The following IFT43 variants were observed in gnomAD, a reference collection of about 807,000 sequenced individuals.
IFT43 encodes intraflagellar transport 43.
IFT43 carries 33 observed loss-of-function variants against 32.3 expected under a neutral mutation model. The ratio of observed to expected loss-of-function variants is 1.02; its 90% CI spans 0.77 to 1.37. The LOEUF (loss-of-function observed/expected upper bound fraction) is 1.37. Ranked by LOEUF, IFT43 falls within the 40% of genes most tolerant of loss-of-function variation. The pLI is 0.00. For synonymous variants in IFT43, 93 were observed against 98.2 expected (o/e 0.95, Z 0.31); for missense variants, 274 against 265.9 (o/e 1.03, Z -0.21).
At chr14:76,067,801 ATGGTGGGGTCTG>A (rs2037251910) in intron 5 of IFT43, among the ~76,000 whole-genome samples, 1 of 152,178 alleles carries the variant, frequency 6.6e-6, no homozygotes, top group Non-Finnish European at 1.5e-5. Context: ...AAAATAAAGG[ATGGTGGGGTCTG>A]TGGTGAACCC....
intron 2 of IFT43, among the ~76,000 whole-genome samples, chr14:75,991,736 G>A (rs2035647835): frequency 6.6e-6 from 1 of 152,122 alleles, no homozygotes; most frequent in Non-Finnish European, 1.5e-5. Flanking sequence ...TTAACTCTGT[G>A]CATTACCATT....
At chr14:75,989,831 G>T (rs142556418) in intron 2 of IFT43, among the ~76,000 whole-genome samples, 1 of 152,260 alleles carries the variant, frequency 6.6e-6, no homozygotes, top group East Asian at 1.9e-4. Context: ...AAGCCTAATG[G>T]GTCAGGCAGG....
At chr14:76,047,497 G>A (rs909368845) in intron 3 of IFT43, among the ~76,000 whole-genome samples, 28 of 152,190 alleles carry the variant, frequency 1.8e-4, no homozygotes, top group African/African-American at 6.5e-4. Flanking sequence ...TAACTGTTTA[G>A]GAGAGGAGTA....
intron 3 of IFT43, among the ~76,000 whole-genome samples, chr14:76,045,535 A>G (rs560377988): frequency 6.6e-6 from 1 of 152,308 alleles, no homozygotes; most frequent in South Asian, 2.1e-4. Context: ...TTGTCTCACA[A>G]AAGGAGAGGT....
chr14:76,083,392 A>C, intron 8 of IFT43, 66 bp from the exon 9 acceptor site: 1 of 1,613,846 alleles, frequency 6.2e-7, no homozygotes, highest in Non-Finnish European at 8.5e-7. Context: ...GATGGGAGGG[A>C]GAAGTCAGCT....
At position 76,066,785 on chromosome 14, in the gene IFT43, G is replaced by A. The variant is rs145777034; in HGVS notation, c.295+7412G>A. Among the ~76,000 whole-genome samples the A allele has an allele frequency of 2.8e-3, 423 of 152,336 alleles. 4 individuals carry two copies. Among genetic ancestry groups the A allele is most frequent in the African/African-American group, 9.7e-3 (402 of 41,580 alleles). On this transcript the variant is annotated intron_variant, in intron 5 of 8. Transcript: ENST00000314067. Reference sequence around the variant, plus strand: ...AGGGGCTGATCACTCTCTTACACTTGTAGGGATATGTGATTGGTGACCAAT... The same window carrying A: ...AGGGGCTGATCACTCTCTTACACTTATAGGGATATGTGATTGGTGACCAAT...
At chr14:76,002,336 C>T (rs77254188) in intron 2 of IFT43, among the ~76,000 whole-genome samples, 13,769 of 144,874 alleles carry the variant, frequency 0.095, 744 homozygotes, top group Middle Eastern at 0.14. Context: ...ACATTCCAAC[C>T]ATAGCAAGGG....
At chr14:76,058,834 C>G in intron 4 of IFT43, 160 bp downstream of exon 4, 1 of 1,544,166 alleles carries the variant, frequency 6.5e-7, no homozygotes. Flanking sequence ...TGGTTAATCC[C>G]GCTTCCTCAA....
intron 2 of IFT43, among the ~76,000 whole-genome samples, chr14:76,018,957 T>C (rs2036240250): frequency 6.6e-6 from 1 of 152,134 alleles, no homozygotes; most frequent in African/African-American, 2.4e-5. Flanking sequence ...TGATGCTTTT[T>C]AATTTAGCCA....
chr14:76,028,504 C>T (rs2036447614), intron 3 of IFT43, among the ~76,000 whole-genome samples: 1 of 151,956 alleles, frequency 6.6e-6, no homozygotes, highest in Non-Finnish European at 1.5e-5. Context: ...GATATATGCG[C>T]AGGTTTGTTA....
chr14:76,036,966 A>G (rs1439373047), intron 3 of IFT43, among the ~76,000 whole-genome samples: 1 of 152,190 alleles, frequency 6.6e-6, no homozygotes, highest in Admixed American at 6.5e-5. Flanking sequence ...TAGCTAGGAC[A>G]GGTGCACGCC....
chr14:76,006,060 C>T (rs776417283), intron 2 of IFT43, among the ~76,000 whole-genome samples: 10 of 151,722 alleles, frequency 6.6e-5, no homozygotes, highest in East Asian at 1.9e-4. Flanking sequence ...GTGACAGGGA[C>T]GTTCTGATAT....
intron 2 of IFT43, among the ~76,000 whole-genome samples, chr14:75,994,693 T>A (rs1377016557): frequency 6.6e-6 from 1 of 152,190 alleles, no homozygotes; most frequent in Admixed American, 6.5e-5. Context: ...AGGTTGGAAT[T>A]ATAGGTATTG....
At chr14:76,015,205 T>C (rs1291150415) in intron 2 of IFT43, among the ~76,000 whole-genome samples, 1 of 152,152 alleles carries the variant, frequency 6.6e-6, no homozygotes, top group Non-Finnish European at 1.5e-5. Flanking sequence ...ACAAGACTCA[T>C]ATTAGGGGGT....
intron 3 of IFT43, among the ~76,000 whole-genome samples, chr14:76,035,533 A>G (rs1226960226): frequency 1.3e-5 from 2 of 152,200 alleles, no homozygotes; most frequent in Non-Finnish European, 2.9e-5. Context: ...TGTCATTGCC[A>G]TACCAGAATC....
At chr14:76,036,384 T>TGTTCTTTC (rs2036598531) in intron 3 of IFT43, among the ~76,000 whole-genome samples, 1 of 151,300 alleles carries the variant, frequency 6.6e-6, no homozygotes, top group Non-Finnish European at 1.5e-5. Flanking sequence ...TTTGTTCTTT[T>TGTTCTTTC]GTTCTTTCGT....
intron 5 of IFT43, among the ~76,000 whole-genome samples, chr14:76,060,334 C>T (rs2037106269): frequency 6.6e-6 from 1 of 152,076 alleles, no homozygotes; most frequent in Admixed American, 6.5e-5. Flanking sequence ...TCTCCTGCCT[C>T]AGCCTCCCGA....
intron 1 of IFT43, among the ~76,000 whole-genome samples, chr14:75,988,134 G>T (rs751293286): frequency 4.6e-5 from 7 of 152,184 alleles, no homozygotes; most frequent in Non-Finnish European, 1.0e-4. Context: ...GTAGAAAATA[G>T]AATTTTCTTT....
rs115098919 is a variant in IFT43 at position 76,081,198 on chromosome 14, G to A, written c.296-1097G>A. Among the ~76,000 whole-genome samples, 1,436 of 152,368 alleles carry A rather than the reference G, an allele frequency of 9.4e-3. 20 individuals carry two copies. The highest frequency in any genetic ancestry group is 0.032 in the African/African-American group (1,330 of 41,578). ...CGAAATCACGAATTGCCTGAAAGTG[G>A]CAAGGGCCTTCTCAGCTGTTGTTGA... On this transcript the variant is annotated intron_variant, in intron 5 of 8. Transcript: ENST00000314067.
Sources: gnomAD v4.1 joint callset for allele counts (sites outside exome capture counted in the v4.1 genomes callset) on GRCh38, gnomAD v4.1.1 for gene constraint, MANE v1.5 for transcripts, NCBI Gene and HGNC (gene_info 2026-07-23, HGNC 2026-07-21) for gene names.